MCFD2: variants seen among roughly 807,000 people sequenced by gnomAD.
MCFD2 encodes the protein multiple coagulation factor deficiency protein 2.
In MCFD2, 11 loss-of-function variants were observed where a neutral mutation model predicts 12.8. That is an observed-to-expected ratio of 0.86 (90% CI 0.54 to 1.42). The LOEUF (loss-of-function observed/expected upper bound fraction) is 1.42, where lower values mean the gene tolerates loss of function less well. Among genes scored for constraint, MCFD2 ranks in the 40% most tolerant of loss-of-function variants. MCFD2 has a pLI of 0.00. For missense variants in MCFD2, 191 were observed against 178.6 expected (o/e 1.07, Z -0.40); for synonymous variants, 70 against 68.1 (o/e 1.03, Z -0.14).
rs1423127542 is a variant in MCFD2, at chr2:46,905,214, TAATACAGA to T, written c.*241_*248del. The T allele has an allele frequency of 4.0e-6, 2 of 504,932 alleles. No homozygotes were observed. Among genetic ancestry groups the T allele is most frequent in the East Asian group, 8.0e-5 (2 of 24,980 alleles). 31.3% of individuals were successfully genotyped at this position (504,932 alleles called of 1,614,324 possible). A position where few individuals can be genotyped will look rare whatever the true frequency, so the allele number is the denominator to read the frequency against. ...CTTTATCAGCAGCATTAATACAGAC[TAATACAGA>T]TGCTTGAAGCAAGCCCTTGTCCAAT... is the stretch of plus-strand genomic sequence containing the variant. On this transcript the variant is annotated 3_prime_UTR_variant, in exon 4 of 4. Transcript: ENST00000319466.
At chr2:46,912,476 G>C (rs755391967) in intron 1 of MCFD2, 2 of 152,210 alleles carry the variant, frequency 1.3e-5, no homozygotes, top group South Asian at 4.1e-4. Flanking sequence ...ACACATCTTA[G>C]AGTTCTGGGA....
chr2:46,941,394 C>G lies in MCFD2; in HGVS notation c.-8+178G>C. 2.8e-6 allele frequency: 2 copies of G among 711,162 alleles called. No homozygotes were observed. Among genetic ancestry groups the G allele is most frequent in the African/African-American group, 3.7e-5 (2 of 53,422 alleles). The allele number at this position is 711,162 out of a possible 1,614,324, so 44.1% of individuals were successfully genotyped here. A position where few individuals can be genotyped will look rare whatever the true frequency, so the allele number is the denominator to read the frequency against. ...GCTGCTGCTGCTGCTGCCCACCCTCCGCCGCCCGGGCCCCCGCTGCCGCCC... is the reference window on the plus strand; with the variant it reads ...GCTGCTGCTGCTGCTGCCCACCCTCGGCCGCCCGGGCCCCCGCTGCCGCCC... On this transcript the variant is annotated intron_variant, in intron 1 of 2. Transcript: ENST00000409147. The surrounding 1 kb of genome is among the most constrained non-coding windows in gnomAD (Gnocchi z 4.2).
intron 1 of MCFD2, among the ~76,000 whole-genome samples, chr2:46,928,459 T>TAAAA (rs35897582): frequency 4.9e-5 from 4 of 81,976 alleles, no homozygotes; most frequent in Admixed American, 1.4e-4. Flanking sequence ...AAAGGGAAAT[T>TAAAA]AAAAAAAAAA....
chr2:46,935,147 G>T (rs983825786), intron 1 of MCFD2, among the ~76,000 whole-genome samples: 7 of 152,166 alleles, frequency 4.6e-5, no homozygotes, highest in Non-Finnish European at 1.0e-4. Flanking sequence ...CAACACCCCT[G>T]AGAAGCGTTG....
Position 46,905,281 on chromosome 2 carries a change from G to T in MCFD2, c.*182C>A. 1.5e-6 allele frequency: 1 copy of T among 674,642 alleles called. No individual in the cohort carries two copies. The highest frequency in any genetic ancestry group is 2.8e-5 in the East Asian group (1 of 35,492). The allele number at this position is 674,642 out of a possible 1,614,324, so 41.8% of individuals were successfully genotyped here. ...TAATAGCACTTAGGGACTATTAGAT[G>T]TCCCATTTCTCTTCTCTTTCATTTC... is the stretch of plus-strand genomic sequence containing the variant. On this transcript the variant is annotated 3_prime_UTR_variant, in exon 4 of 4. Coordinates refer to ENST00000319466, the MANE Select transcript of MCFD2 (RefSeq NM_139279.6).
chr2:46,905,943 T>G, intron 3 of MCFD2: 1 of 478,832 alleles, frequency 2.1e-6, no homozygotes, highest in South Asian at 1.5e-5. Context: ...ATTGGAAAAG[T>G]GCCAGTCCTC....
At chr2:46,919,351 T>C (rs1363052387), upstream of MCFD2, among the ~76,000 whole-genome samples, 1 of 152,154 alleles carries the variant, frequency 6.6e-6, no homozygotes, top group Non-Finnish European at 1.5e-5. Context: ...CTGGCCAGCA[T>C]GGTGAAACCC....
intron 1 of MCFD2, among the ~76,000 whole-genome samples, chr2:46,922,381 G>A (rs1414654400): frequency 3.3e-5 from 5 of 152,158 alleles, no homozygotes; most frequent in Non-Finnish European, 7.4e-5. Context: ...CTGAGGCTAT[G>A]TTTCCTCAAA....
chr2:46,908,716 A>T lies in MCFD2; in HGVS notation c.149+307T>A, dbSNP rs758768491. On this transcript the variant is annotated intron_variant, in intron 2 of 3. Transcript: ENST00000319466. The surrounding 1 kb of genome is among the most constrained non-coding windows in gnomAD (Gnocchi z 4.5). ...CTATTTTCTGGATTCTGCTACTATG[A>T]CTGTGTATGTGTACCTGTGTGTCTA... 3.0e-5 allele frequency: 13 copies of T among 440,360 alleles called. No homozygotes were observed. The highest frequency in any genetic ancestry group is 5.0e-5 in the Non-Finnish European group (12 of 237,848). The allele number at this position is 440,360 out of a possible 1,614,324, so 27.3% of individuals were successfully genotyped here.
Position 46,932,638 on chromosome 2 carries a change from G to C in MCFD2, c.-8+8934C>G, listed in dbSNP as rs188055174. On this transcript the variant is annotated intron_variant, in intron 1 of 2. Coordinates refer to the MCFD2 transcript ENST00000409147. Reference sequence around the variant, plus strand: ...GGTGGAGGCCAGGTGCAGTGGCTCAGGCCTGTAATCCCAGCAATTTGGGAG... The same window carrying C: ...GGTGGAGGCCAGGTGCAGTGGCTCACGCCTGTAATCCCAGCAATTTGGGAG... Among the ~76,000 whole-genome samples, 96 of 152,034 alleles carry C rather than the reference G, an allele frequency of 6.3e-4. 1 individual carries two copies. Among genetic ancestry groups the C allele is most frequent in the African/African-American group, 2.3e-3 (95 of 41,464 alleles).
chr2:46,920,532 T>C (rs564353021), upstream of MCFD2, among the ~76,000 whole-genome samples: 14 of 152,078 alleles, frequency 9.2e-5, no homozygotes, highest in African/African-American at 2.7e-4. Context: ...GGTTTCACCA[T>C]GTTGGCCAGG....
At chr2:46,929,608 T>TTA (rs751150433) in intron 1 of MCFD2, among the ~76,000 whole-genome samples, 2 of 152,224 alleles carry the variant, frequency 1.3e-5, no homozygotes, top group Non-Finnish European at 2.9e-5. Context: ...TGTGTATCAG[T>TTA]GCTTATAGCT....
Position 46,923,245 on chromosome 2 carries a change from T to C in MCFD2, c.-7-15276A>G, listed in dbSNP as rs117921533. Among the ~76,000 whole-genome samples, 11 of 152,326 alleles carry C rather than the reference T, an allele frequency of 7.2e-5. No individual in the cohort carries two copies. The East Asian group carries it at 1.9e-3, about 27-fold the overall frequency. On this transcript the variant is annotated intron_variant, in intron 1 of 2. Coordinates refer to the MCFD2 transcript ENST00000409147. ...GCACAGTTGACCAAACCATTAGTCA[T>C]TGGTGATCAACTTAACCTTCAGCCC...
At chr2:46,919,822 G>T (rs1669005195), upstream of MCFD2, among the ~76,000 whole-genome samples, 1 of 152,232 alleles carries the variant, frequency 6.6e-6, no homozygotes, top group Non-Finnish European at 1.5e-5. Context: ...AGAAACTGCA[G>T]TTTCTTTTGT....
rs560625430 is a variant in MCFD2, at chr2:46,941,429, C to T, written c.-8+143G>A. On this transcript the variant is annotated intron_variant, in intron 1 of 2. Coordinates refer to the MCFD2 transcript ENST00000409147. This position sits in a 1 kb window ranked among gnomAD's most constrained non-coding sequence, Gnocchi z 4.2. ...GCCCCCGCTGCCGCCCGGGCCCCGG[C>T]TGCCGTCTGCGCCCCCGTCGACCCC... The T allele has an allele frequency of 2.5e-3, 2,964 of 1,172,310 alleles. 63 individuals carry two copies. The African/African-American group carries it at 0.041, about 16-fold the overall frequency. The allele number at this position is 1,172,310 out of a possible 1,614,324, so 72.6% of individuals were successfully genotyped here.
intron 1 of MCFD2, 93 bp from the exon 2 acceptor site, chr2:46,909,270 G>A (rs1184019752): frequency 7.1e-7 from 1 of 1,404,600 alleles, no homozygotes; most frequent in Admixed American, 2.0e-5. Flanking sequence ...GAAACCTGAT[G>A]AAGCAGTAAG....
intron 1 of MCFD2, among the ~76,000 whole-genome samples, chr2:46,930,828 A>G (rs1289650675): frequency 1.3e-5 from 2 of 152,202 alleles, no homozygotes; most frequent in Non-Finnish European, 2.9e-5. Context: ...AAAGAAATCC[A>G]ATCAGTAATT....
chr2:46,926,821 A>G (rs1045004699), intron 1 of MCFD2, among the ~76,000 whole-genome samples: 4 of 152,254 alleles, frequency 2.6e-5, no homozygotes, highest in African/African-American at 9.6e-5. Flanking sequence ...AGACACTGGA[A>G]TTCTCAGACA....
chr2:46,927,656 G>A lies in MCFD2; in HGVS notation c.-8+13916C>T, dbSNP rs550730174. On this transcript the variant is annotated intron_variant, in intron 1 of 2. Coordinates refer to the MCFD2 transcript ENST00000409147. The stretch of plus-strand genomic sequence containing the variant: ...ATTACAGGCATGAGCTACCGCGCCC[G>A]GCAAAAAAAAGATTATTATTAAAGG... Among the ~76,000 whole-genome samples, 16 of 150,928 alleles carry A rather than the reference G, an allele frequency of 1.1e-4. No homozygotes were observed. The East Asian group carries it at 1.4e-3, about 13-fold the overall frequency.
Sources: allele counts gnomAD v4.1 joint callset (sites outside exome capture counted in the v4.1 genomes callset), GRCh38; gene constraint gnomAD v4.1.1; non-coding constraint Gnocchi (gnomAD v3.1); transcripts MANE v1.5; gene names NCBI Gene and HGNC (gene_info 2026-07-23, HGNC 2026-07-21).